Variants in ADAMTS17 observed in about 807,000 individuals in gnomAD.
ADAMTS17 encodes A disintegrin and metalloproteinase with thrombospondin motifs 17.
ADAMTS17 carries 113 observed loss-of-function variants against 141.5 expected under a neutral mutation model. The ratio of observed to expected loss-of-function variants is 0.80; its 90% CI spans 0.69 to 0.93. The LOEUF is 0.93. ADAMTS17 is among the 40% of genes least tolerant of loss of function. The pLI is 0.00. For missense variants in ADAMTS17, 1,659 were observed against 1,517.9 expected, an observed-to-expected ratio of 1.09 and a Z score of -1.54; for synonymous variants, 768 against 630.6, an observed-to-expected ratio of 1.22 and a Z score of -3.27.
intron 2 of ADAMTS17, 153 bp downstream of exon 2, chr15:100,340,886 G>A (rs1343965300): frequency 1.4e-5 from 17 of 1,207,418 alleles, no homozygotes; most frequent in Admixed American, 2.2e-5. Context: ...AGGCCGGGGT[G>A]GGGGATGGGG....
intron 20 of ADAMTS17, among the ~76,000 whole-genome samples, chr15:99,982,975 A>G (rs987595615): frequency 6.6e-6 from 1 of 152,226 alleles, no homozygotes; most frequent in African/African-American, 2.4e-5. Context: ...AAAGAGGTTC[A>G]ATTTGGATTT....
At chr15:100,226,859 G>C (rs969977958) in intron 7 of ADAMTS17, among the ~76,000 whole-genome samples, 2 of 152,166 alleles carry the variant, frequency 1.3e-5, no homozygotes, top group Non-Finnish European at 2.9e-5. Flanking sequence ...ACAGCTATTA[G>C]GTTGAGTCCT....
intron 14 of ADAMTS17, among the ~76,000 whole-genome samples, chr15:100,101,604 C>G (rs1447602028): frequency 6.6e-6 from 1 of 152,188 alleles, no homozygotes; most frequent in Non-Finnish European, 1.5e-5. Flanking sequence ...TCTGAGAATT[C>G]TTTGTATTCT....
intron 7 of ADAMTS17, among the ~76,000 whole-genome samples, chr15:100,225,803 C>A (rs891581181): frequency 1.4e-5 from 2 of 145,908 alleles, no homozygotes; most frequent in African/African-American, 5.1e-5. Context: ...GGCCTCTGTG[C>A]CCACTCTGTC....
At chr15:100,266,182 GC>G (rs138163759) in intron 4 of ADAMTS17, among the ~76,000 whole-genome samples, 1,564 of 152,322 alleles carry the variant, frequency 0.01, 13 homozygotes, top group East Asian at 0.067. Context: ...CAATTTGGCT[GC>G]CCACACCCAC....
At chr15:100,058,181 C>CT (rs200724830) in intron 15 of ADAMTS17, among the ~76,000 whole-genome samples, 182 of 44,346 alleles carry the variant, frequency 4.1e-3, no homozygotes, top group Middle Eastern at 0.011. Context: ...TATCCCGGCT[C>CT]TAACACCCCT....
At chr15:100,019,213 CTCTCT>C (rs1157321697) in intron 18 of ADAMTS17, among the ~76,000 whole-genome samples, 3 of 152,166 alleles carry the variant, frequency 2.0e-5, no homozygotes, top group African/African-American at 7.2e-5. Flanking sequence ...ACAAACAATA[CTCTCT>C]TCTGTTTGTG....
At chr15:99,998,116 A>G (rs567719097) in intron 18 of ADAMTS17, among the ~76,000 whole-genome samples, 4 of 152,242 alleles carry the variant, frequency 2.6e-5, no homozygotes, top group South Asian at 4.1e-4. Context: ...TGCTGCGGCA[A>G]TAGGGGATTG....
intron 7 of ADAMTS17, among the ~76,000 whole-genome samples, chr15:100,251,559 A>C (rs1400442508): frequency 1.3e-5 from 2 of 152,212 alleles, no homozygotes; most frequent in Non-Finnish European, 2.9e-5. Flanking sequence ...ACCCATCTCT[A>C]CTAAAAATAC....
chr15:100,104,850 T>C (rs1206569153), intron 14 of ADAMTS17, among the ~76,000 whole-genome samples: 1 of 152,234 alleles, frequency 6.6e-6, no homozygotes, highest in Non-Finnish European at 1.5e-5. Flanking sequence ...GAATCCAGAA[T>C]GTTTCATCTT....
At chr15:99,983,193 T>A (rs920403322) in intron 20 of ADAMTS17, among the ~76,000 whole-genome samples, 1 of 152,154 alleles carries the variant, frequency 6.6e-6, no homozygotes, top group Non-Finnish European at 1.5e-5. Context: ...CACCTGCCTG[T>A]CTGCTGTGTA....
At chr15:100,014,862 A>G (rs184617411) in intron 18 of ADAMTS17, among the ~76,000 whole-genome samples, 9 of 152,336 alleles carry the variant, frequency 5.9e-5, no homozygotes, top group Admixed American at 1.3e-4. Context: ...TCTTCTGTAT[A>G]TATCTTTTAA....
At chr15:100,161,789 A>C (rs1031401019) in intron 8 of ADAMTS17, among the ~76,000 whole-genome samples, 1 of 152,210 alleles carries the variant, frequency 6.6e-6, no homozygotes, top group African/African-American at 2.4e-5. Flanking sequence ...ATTTACAGGT[A>C]GAAGAACAGG....
intron 17 of ADAMTS17, 61 bp downstream of exon 17, chr15:100,051,511 G>A: frequency 1.2e-6 from 2 of 1,609,070 alleles, no homozygotes; most frequent in South Asian, 2.2e-5. Context: ...GGCCACAGAT[G>A]CCTTTCTCCT....
intron 18 of ADAMTS17, among the ~76,000 whole-genome samples, chr15:100,029,096 T>C (rs1423610999): frequency 3.3e-5 from 5 of 152,060 alleles, no homozygotes; most frequent in East Asian, 3.9e-4. Flanking sequence ...TTCCATCTGG[T>C]TCACCCTGAG....
chr15:100,235,012 A>G (rs1392453981), intron 7 of ADAMTS17, among the ~76,000 whole-genome samples: 2 of 152,190 alleles, frequency 1.3e-5, no homozygotes, highest in African/African-American at 4.8e-5. Context: ...AAAACAAGGT[A>G]ATTATGTTCA....
intron 20 of ADAMTS17, among the ~76,000 whole-genome samples, chr15:99,987,884 T>G (rs1280601407): frequency 6.6e-6 from 1 of 152,042 alleles, no homozygotes; most frequent in East Asian, 1.9e-4. Flanking sequence ...GGGTGGGTGG[T>G]GAGGTCCACA....
At chr15:100,169,315 C>T (rs1270906238) in intron 8 of ADAMTS17, among the ~76,000 whole-genome samples, 2 of 152,162 alleles carry the variant, frequency 1.3e-5, no homozygotes, top group African/African-American at 2.4e-5. Flanking sequence ...GGAGCCACCC[C>T]TCAACACAGA....
At chr15:100,032,917 C>A (rs1045016888) in intron 18 of ADAMTS17, among the ~76,000 whole-genome samples, 7 of 152,182 alleles carry the variant, frequency 4.6e-5, no homozygotes, top group Admixed American at 1.3e-4. Flanking sequence ...TGCTGATGAG[C>A]AACAGTGAAC....
Sources: allele counts gnomAD v4.1 joint callset (sites outside exome capture counted in the v4.1 genomes callset), GRCh38; gene constraint gnomAD v4.1.1; transcripts MANE v1.5; gene names NCBI Gene and HGNC (gene_info 2026-07-23, HGNC 2026-07-21).